The following COL26A1 variants were observed in gnomAD, a reference collection of about 807,000 sequenced individuals.
COL26A1 encodes the protein collagen alpha-1(XXVI) chain.
COL26A1 carries 41 observed loss-of-function variants against 59.3 expected under a neutral mutation model. That is an observed-to-expected ratio of 0.69 (90% CI 0.54 to 0.90). The LOEUF is 0.90. Among genes scored for constraint, COL26A1 ranks in the 40% least tolerant of loss-of-function variants. The pLI, the probability that COL26A1 is intolerant of heterozygous loss-of-function variation, is 0.00. For missense variants in COL26A1, 612 were observed against 602.3 expected, an observed-to-expected ratio of 1.02 and a Z score of -0.17; for synonymous variants, 266 against 256.0, an observed-to-expected ratio of 1.04 and a Z score of -0.37.
chr7:101,451,739 C>A (rs191629390), intron 3 of COL26A1, among the ~76,000 whole-genome samples: 1 of 144,580 alleles, frequency 6.9e-6, no homozygotes, highest in Non-Finnish European at 1.5e-5. Context: ...GAGTCTCGCT[C>A]TGTTGCCCAG....
intron 3 of COL26A1, among the ~76,000 whole-genome samples, chr7:101,506,568 T>A (rs1207916318): frequency 6.6e-6 from 1 of 152,184 alleles, no homozygotes; most frequent in African/African-American, 2.4e-5. Flanking sequence ...GTCTAGAAAC[T>A]GGAGATCCCG....
chr7:101,526,436 C>G (rs1259211373), intron 3 of COL26A1, among the ~76,000 whole-genome samples: 1 of 152,174 alleles, frequency 6.6e-6, no homozygotes, highest in African/African-American at 2.4e-5. Flanking sequence ...TGCCCTCTGC[C>G]TGCAGACCCC....
intron 12 of COL26A1, among the ~76,000 whole-genome samples, chr7:101,556,097 GGCAGAGCCCT>G (rs1443182711): frequency 2.0e-5 from 3 of 152,170 alleles, no homozygotes; most frequent in Non-Finnish European, 4.4e-5. Flanking sequence ...AGCCATGGTG[GGCAGAGCCCT>G]GCCCAGCCAT....
In COL26A1 at chr7:101,489,838, CTTTCTTT is replaced by C. The variant is rs1794400400; in HGVS notation, c.385+42052_385+42058del. On this transcript the variant is annotated intron_variant, in intron 3 of 12. Transcript: ENST00000313669. ...TCTTTCTTTCTTTCTTTCTTTCTTT[CTTTCTTT>C]CTTTCTTTCTTTCTTTCTTTCTTTC... 1.7e-4 allele frequency among the ~76,000 whole-genome samples: 3 copies of C among 18,044 alleles called. 1 individual carries two copies. Among genetic ancestry groups the C allele is most frequent in the Non-Finnish European group, 1.8e-4 (2 of 11,336 alleles). The allele number at this position is 18,044 out of a possible 152,430, so 11.8% of individuals were successfully genotyped here. A position where few individuals can be genotyped will look rare whatever the true frequency, so the allele number is the denominator to read the frequency against.
chr7:101,535,648 G>A (rs1041325870), intron 4 of COL26A1, among the ~76,000 whole-genome samples: 2 of 152,144 alleles, frequency 1.3e-5, no homozygotes, highest in African/African-American at 2.4e-5. Flanking sequence ...TGTGTGCCTC[G>A]AGGGCTGGAG....
intron 3 of COL26A1, among the ~76,000 whole-genome samples, chr7:101,515,858 G>A (rs1312607600): frequency 6.6e-6 from 1 of 152,080 alleles, no homozygotes; most frequent in Non-Finnish European, 1.5e-5. Flanking sequence ...CAAAGTGCTG[G>A]GATTACAGGC....
chr7:101,555,674 G>A, intron 11 of COL26A1, 113 bp from the exon 12 acceptor site: 1 of 667,126 alleles, frequency 1.5e-6, no homozygotes, highest in Non-Finnish European at 2.6e-6. Flanking sequence ...GGTGTCGGGT[G>A]GGAAGAGGCA....
chr7:101,551,029 G>T, intron 9 of COL26A1, 79 bp from the exon 10 acceptor site: 4 of 1,431,442 alleles, frequency 2.8e-6, no homozygotes, highest in Non-Finnish European at 3.9e-6. Context: ...CACAGTGGGC[G>T]GGGAGGGGGG....
intron 1 of COL26A1, among the ~76,000 whole-genome samples, chr7:101,398,811 A>G (rs1313335250): frequency 6.6e-6 from 1 of 152,124 alleles, no homozygotes; most frequent in African/African-American, 2.4e-5. Context: ...GCCCTTCATC[A>G]TAAGGGCATT....
chr7:101,558,058 G>A lies in COL26A1; in HGVS notation c.*528G>A, dbSNP rs1049655186. The stretch of plus-strand genomic sequence containing the variant: ...TCGACCCTGCCAGCTTCCCCTCTTC[G>A]AGAGAAAACTCAGACAGGGAGGGCG... On this transcript the variant is annotated 3_prime_UTR_variant, in exon 13 of 13. Coordinates refer to ENST00000313669, the MANE Select transcript of COL26A1 (RefSeq NM_001278563.3). The A allele has an allele frequency of 6.6e-6, 1 of 152,272 alleles. No homozygotes were observed. The highest frequency in any genetic ancestry group is 1.5e-5 in the Non-Finnish European group (1 of 68,112). The allele number at this position is 152,272 out of a possible 1,614,324, so 9.4% of individuals were successfully genotyped here.
chr7:101,534,085 G>A (rs918649613), intron 4 of COL26A1, among the ~76,000 whole-genome samples: 2 of 152,200 alleles, frequency 1.3e-5, no homozygotes, highest in African/African-American at 4.8e-5. Flanking sequence ...GACAGGTCTG[G>A]AGGGATGAGG....
Position 101,540,042 on chromosome 7 carries a change from C to A in COL26A1, c.597C>A (p.Gly199=). 1 of 1,612,052 alleles carries A rather than the reference C, an allele frequency of 6.2e-7. No homozygotes were observed. The highest frequency in any genetic ancestry group is 8.5e-7 in the Non-Finnish European group (1 of 1,179,294). ...HPVPRQRRPT[G]PAGPPGQTGP... is the part of the protein sequence containing the mutation. ...TGCCACGACAGAGAAGGCCCACGGGCCCAGCCGGTGAGTGAGGGCTGCAGA... is the reference window on the plus strand; with the variant it reads ...TGCCACGACAGAGAAGGCCCACGGGACCAGCCGGTGAGTGAGGGCTGCAGA... The change falls in exon 5 of 13, where the codon GGC becomes GGA. Residue 199 remains glycine (G), a synonymous_variant. Coordinates refer to ENST00000313669, the MANE Select transcript of COL26A1 (RefSeq NM_001278563.3).
At chr7:101,420,181 G>C in intron 2 of COL26A1, 82 bp downstream of exon 2, 4 of 1,545,566 alleles carry the variant, frequency 2.6e-6, no homozygotes, top group Non-Finnish European at 3.5e-6. Context: ...CTCTGGGAGA[G>C]GCTGGGCTGT....
chr7:101,477,963 T>C (rs1194775266), intron 3 of COL26A1, among the ~76,000 whole-genome samples: 1 of 152,206 alleles, frequency 6.6e-6, no homozygotes, highest in Non-Finnish European at 1.5e-5. Context: ...TTCTTTGTTC[T>C]TGTCCATTGA....
At chr7:101,508,517 C>CAAAAAAAA (rs58872805) in intron 3 of COL26A1, among the ~76,000 whole-genome samples, 13 of 127,628 alleles carry the variant, frequency 1.0e-4, no homozygotes, top group South Asian at 2.5e-4. Flanking sequence ...AAAACCCTGT[C>CAAAAAAAA]AAAAAAAAAA....
At chr7:101,444,052 A>AT (rs1464026227) in intron 2 of COL26A1, among the ~76,000 whole-genome samples, 1 of 150,890 alleles carries the variant, frequency 6.6e-6, no homozygotes, top group Non-Finnish European at 1.5e-5. Flanking sequence ...TTTTATTTTT[A>AT]TTTTTTGTAG....
intron 10 of COL26A1, among the ~76,000 whole-genome samples, chr7:101,551,773 G>A (rs1302461693): frequency 2.0e-5 from 3 of 151,338 alleles, no homozygotes; most frequent in Non-Finnish European, 4.4e-5. Context: ...TATGAGTATA[G>A]ACTCCTGCCT....
intron 3 of COL26A1, among the ~76,000 whole-genome samples, chr7:101,482,572 T>A (rs1794180343): frequency 6.6e-6 from 1 of 152,228 alleles, no homozygotes; most frequent in South Asian, 2.1e-4. Flanking sequence ...TAGGTTGCAC[T>A]TTGGAAACAA....
chr7:101,462,901 C>G (rs1793648917), intron 3 of COL26A1, among the ~76,000 whole-genome samples: 1 of 152,132 alleles, frequency 6.6e-6, no homozygotes, highest in Non-Finnish European at 1.5e-5. Context: ...ATGCAGTGAC[C>G]TTGCAGAGTG....
Sources: allele counts gnomAD v4.1 joint callset (sites outside exome capture counted in the v4.1 genomes callset), GRCh38; gene constraint gnomAD v4.1.1; transcripts MANE v1.5; gene names NCBI Gene and HGNC (gene_info 2026-07-23, HGNC 2026-07-21).